SH3TC1: variants seen among roughly 807,000 people sequenced by gnomAD.
SH3TC1 encodes SH3 domain and tetratricopeptide repeat-containing protein 1.
In SH3TC1, 135 loss-of-function variants were observed where a neutral mutation model predicts 117.3. That is an observed-to-expected ratio of 1.15 (90% confidence interval 1.00 to 1.33). SH3TC1 has a LOEUF of 1.33. Among genes scored for constraint, SH3TC1 ranks in the 40% most tolerant of loss-of-function variants. SH3TC1 has a pLI of 0.00. For synonymous variants in SH3TC1, 898 were observed against 816.9 expected, an observed-to-expected ratio of 1.10 and a Z score of -1.69; for missense variants, 2,092 against 1,794.3, an observed-to-expected ratio of 1.17 and a Z score of -3.00.
intron 7 of SH3TC1, 133 bp downstream of exon 7, chr4:8,217,300 G>A: frequency 1.8e-6 from 2 of 1,127,578 alleles, no homozygotes; most frequent in Non-Finnish European, 2.6e-6. Flanking sequence ...GCCTTGTTCT[G>A]CTGCTTCCCA....
intron 1 of SH3TC1, among the ~76,000 whole-genome samples, chr4:8,202,964 G>C (rs1717936119): frequency 6.6e-6 from 1 of 152,202 alleles, no homozygotes; most frequent in Non-Finnish European, 1.5e-5. Flanking sequence ...AGGTGAGCTG[G>C]GGCCTGGGAG....
At chr4:8,220,794 C>T (rs1035762388) in intron 9 of SH3TC1, among the ~76,000 whole-genome samples, 1 of 152,200 alleles carries the variant, frequency 6.6e-6, no homozygotes, top group Non-Finnish European at 1.5e-5. Context: ...CTCATCAAGC[C>T]GTTCACTTGT....
rs533861347 is a variant in SH3TC1 at position 8,183,902 on chromosome 4, C to A, written c.-57+1692C>A. 1.3e-5 allele frequency among the ~76,000 whole-genome samples: 2 copies of A among 152,308 alleles called. No individual in the cohort carries two copies. Among genetic ancestry groups the A allele is most frequent in the South Asian group, 4.1e-4 (2 of 4,824 alleles). On this transcript the variant is annotated intron_variant, in intron 1 of 16. Coordinates refer to the SH3TC1 transcript ENST00000508641. The surrounding 1 kb of genome is among the most constrained non-coding windows in gnomAD (Gnocchi z 5.4). ...GCAAGTCCATGGTGGTGGGCATTCA[C>A]CACCATGCCCAACTAATTTTTGTAT...
chr4:8,232,696 C>A, intron 13 of SH3TC1: 1 of 1,290,506 alleles, frequency 7.7e-7, no homozygotes, highest in Non-Finnish European at 1.0e-6. Context: ...CCCTGGCCAC[C>A]CCACCCACAG....
chr4:8,210,360 C>G lies in SH3TC1; in HGVS notation c.247+538C>G, dbSNP rs1202409460. Among the ~76,000 whole-genome samples the G allele has an allele frequency of 6.6e-6, 1 of 152,274 alleles. No individual in the cohort carries two copies. The highest frequency in any genetic ancestry group is 2.4e-5 in the African/African-American group (1 of 41,484). On this transcript the variant is annotated intron_variant, in intron 3 of 17. Coordinates refer to ENST00000245105, the MANE Select transcript of SH3TC1 (RefSeq NM_018986.5). The surrounding 1 kb of genome is among the most constrained non-coding windows in gnomAD (Gnocchi z 4.1). ...TGGAGACCCCAGCATCCATTGCTGG[C>G]TTTGCCCCTTGGCGGTGATGCCCGA... is the stretch of plus-strand genomic sequence containing the variant.
In SH3TC1 at chr4:8,212,700, G is replaced by T. The variant is rs755416883; in HGVS notation, c.248-1G>T. The T allele has an allele frequency of 1.2e-6, 2 of 1,612,902 alleles. No homozygotes were observed. The highest frequency in any genetic ancestry group is 1.1e-5 in the South Asian group (1 of 91,054). The stretch of plus-strand genomic sequence containing the variant: ...TGCCCAACCTCCGTCTGCCCCTCCA[G>T]ACCTGACCCTGCAGCTGCTGGCTGT... On this transcript the variant is annotated splice_acceptor_variant, in intron 3 of 17. Coordinates refer to ENST00000245105, the MANE Select transcript of SH3TC1 (RefSeq NM_018986.5). LOFTEE classifies it high-confidence loss of function.
At chr4:8,233,758 T>TCATCCATC (rs60587951) in intron 14 of SH3TC1, among the ~76,000 whole-genome samples, 5 of 146,168 alleles carry the variant, frequency 3.4e-5, no homozygotes, top group Non-Finnish European at 6.0e-5. Context: ...CATCCATCCA[T>TCATCCATC]CATCCATCCA....
chr4:8,198,873 C>T (rs1325175136), upstream of SH3TC1, among the ~76,000 whole-genome samples: 1 of 152,190 alleles, frequency 6.6e-6, no homozygotes, highest in Non-Finnish European at 1.5e-5. Context: ...CTCTGTGTGC[C>T]CATGCATATG....
intron 13 of SH3TC1, chr4:8,232,752 G>A: frequency 7.8e-7 from 1 of 1,289,744 alleles, no homozygotes; most frequent in Non-Finnish European, 1.0e-6. Flanking sequence ...CTCACCAAGA[G>A]AGCAGGGAAG....
intron 1 of SH3TC1, among the ~76,000 whole-genome samples, chr4:8,194,181 C>T (rs1025326792): frequency 6.6e-6 from 1 of 151,908 alleles, no homozygotes; most frequent in Non-Finnish European, 1.5e-5. Context: ...AAAGGGGCGG[C>T]GGGGGGTGTT....
chr4:8,201,400 C>G (rs1361712912), intron 1 of SH3TC1: 1 of 152,512 alleles, frequency 6.6e-6, no homozygotes, highest in Non-Finnish European at 1.5e-5. Flanking sequence ...TCCACCCCTT[C>G]CCCCGGGGCT....
At chr4:8,202,194 G>A (rs1717885685) in intron 1 of SH3TC1, among the ~76,000 whole-genome samples, 1 of 152,210 alleles carries the variant, frequency 6.6e-6, no homozygotes, top group South Asian at 2.1e-4. Context: ...CAGGACCGCA[G>A]TCCTGCAGAG....
rs753137547 is a variant in SH3TC1 at position 8,232,146 on chromosome 4, G to A, written c.3121G>A (p.Gly1041Ser). ...ETISQLYLSL[G>S]TERAYKSALD... ...CATCAGCCAGCTCTACCTGTCCCTG[G>A]GCACCGAGCGGTGAGGGCTGGCTCT... Residue 1041 changes from glycine to serine, a missense_variant, in exon 13 of 18, where the codon GGC becomes AGC. Gly to Ser is a moderately conservative substitution (Grantham distance 56). Coordinates refer to ENST00000245105, the MANE Select transcript of SH3TC1 (RefSeq NM_018986.5). The A allele has an allele frequency of 5.2e-6, 7 of 1,354,870 alleles. No individual in the cohort carries two copies. The South Asian group carries it at 8.0e-5, about 15-fold the overall frequency. 83.9% of individuals were successfully genotyped at this position (1,354,870 alleles called of 1,614,324 possible).
chr4:8,202,903 T>C (rs539347413), intron 1 of SH3TC1, among the ~76,000 whole-genome samples: 17 of 152,284 alleles, frequency 1.1e-4, no homozygotes, highest in African/African-American at 3.9e-4. Context: ...CCAAGGACTT[T>C]AGACCGTGGG....
In SH3TC1 at chr4:8,227,300, G is replaced by A. The variant is rs755980657; in HGVS notation, c.1606G>A (p.Glu536Lys). 1.7e-5 allele frequency: 28 copies of A among 1,609,778 alleles called. No individual in the cohort carries two copies. The highest frequency in any genetic ancestry group is 1.9e-5 in the Non-Finnish European group (22 of 1,178,832). The change falls in exon 12 of 18, where the codon GAG becomes AAG. Residue 536 changes from glutamate (E) to lysine (K), a missense_variant. Glu to Lys is a moderately conservative substitution (Grantham distance 56, BLOSUM62 1). Coordinates refer to ENST00000245105, the MANE Select transcript of SH3TC1 (RefSeq NM_018986.5). The stretch of plus-strand genomic sequence containing the variant: ...CAGCGTGTTCCGCAGCTTCAGCGAC[G>A]AGGAGGAGCTGACTGGGCGCCTGGC... ...LSSVFRSFSD[E>K]EELTGRLAQA... is the part of the protein sequence containing the mutation.
rs914226343 is a variant in SH3TC1 at position 8,210,914 on chromosome 4, C to G, written c.247+1092C>G. On this transcript the variant is annotated intron_variant, in intron 3 of 17. Coordinates refer to ENST00000245105, the MANE Select transcript of SH3TC1 (RefSeq NM_018986.5). This position sits in a 1 kb window ranked among gnomAD's most constrained non-coding sequence, Gnocchi z 4.1. ...GGGGTGAGGGTGTTTGCTCAAGGGT[C>G]CCCTAGCAGAAAACTCTCAGGCAGG... is the stretch of plus-strand genomic sequence containing the variant. Among the ~76,000 whole-genome samples, 3 of 151,866 alleles carry G rather than the reference C, an allele frequency of 2.0e-5. No homozygotes were observed. Among genetic ancestry groups the G allele is most frequent in the East Asian group, 1.9e-4 (1 of 5,188 alleles).
rs201668449 is a variant in SH3TC1, at chr4:8,233,200, CA to C, written c.3132-161del. 5,373 of 1,407,692 alleles carry C rather than the reference CA, an allele frequency of 3.8e-3. 200 individuals are homozygous for C. The South Asian group carries it at 0.067, about 18-fold the overall frequency. 87.2% of individuals were successfully genotyped at this position (1,407,692 alleles called of 1,614,324 possible). ...TCGTCTTTTCCTTGCCGTGTGTGTT[CA>C]ACCCCACCCTCTCAGCAGCCCGGGA... On this transcript the variant is annotated intron_variant, in intron 13 of 17. Transcript: ENST00000245105.
At chr4:8,197,372 G>T (rs1717585668), upstream of SH3TC1, among the ~76,000 whole-genome samples, 4 of 152,308 alleles carry the variant, frequency 2.6e-5, 1 homozygote, top group South Asian at 8.3e-4. Context: ...ACACAGTTGT[G>T]GCAGCCCCAT....
At chr4:8,189,606 G>A (rs1717351069) in intron 1 of SH3TC1, among the ~76,000 whole-genome samples, 1 of 152,176 alleles carries the variant, frequency 6.6e-6, no homozygotes, top group Non-Finnish European at 1.5e-5. Context: ...GTAACCAGGT[G>A]GGGAAAGAGA....
Sources: gnomAD v4.1 joint callset for allele counts (sites outside exome capture counted in the v4.1 genomes callset) on GRCh38, gnomAD v4.1.1 for gene constraint, Gnocchi (gnomAD v3.1) non-coding constraint, MANE v1.5 for transcripts, NCBI Gene and HGNC (gene_info 2026-07-23, HGNC 2026-07-21) for gene names.